DDIAS: variants seen among roughly 807,000 people sequenced by gnomAD.
The protein encoded by DDIAS is DNA damage induced apoptosis suppressor, also known as DNA damage-induced apoptosis suppressor protein.
In DDIAS, 14 loss-of-function variants were observed where a neutral mutation model predicts 15.7. That is an observed-to-expected ratio of 0.89 (90% CI 0.59 to 1.39). The LOEUF is 1.39. DDIAS is among the 40% of genes most tolerant of loss of function. The pLI is 0.00. For missense variants in DDIAS, 1,035 were observed against 1,130.9 expected (o/e 0.92, Z 1.22); for synonymous variants, 355 against 395.9 (o/e 0.90, Z 1.23).
chr11:82,929,902 T>A (rs1415023609), intron 4 of DDIAS, among the ~76,000 whole-genome samples: 1 of 152,190 alleles, frequency 6.6e-6, no homozygotes, highest in Non-Finnish European at 1.5e-5. Context: ...CTGCCACTTT[T>A]ATTTTTCCTT....
chr11:82,919,656 G>A (rs530535574), intron 3 of DDIAS, among the ~76,000 whole-genome samples: 3 of 152,260 alleles, frequency 2.0e-5, no homozygotes, highest in East Asian at 1.9e-4. Flanking sequence ...ATAGAATAGC[G>A]TCAGAAGGAT....
rs1469504453 is a variant in DDIAS at position 82,913,356 on chromosome 11, G to T, written c.-47G>T. 1.2e-5 allele frequency: 2 copies of T among 172,002 alleles called. No homozygotes were observed. The highest frequency in any genetic ancestry group is 4.8e-5 in the African/African-American group (2 of 41,514). 10.7% of individuals were successfully genotyped at this position (172,002 alleles called of 1,614,324 possible). A position where few individuals can be genotyped will look rare whatever the true frequency, so the allele number is the denominator to read the frequency against. ...AGCTCACTATGGCCTTGATCCTCCT[G>T]CCTTAGCCTCCCAAGCAGCTGGTAT... On this transcript the variant is annotated 5_prime_UTR_variant, in exon 2 of 6. Coordinates refer to ENST00000533655, the MANE Select transcript of DDIAS (RefSeq NM_145018.4).
chr11:82,915,564 C>G (rs1428710207), intron 3 of DDIAS, among the ~76,000 whole-genome samples: 1 of 152,170 alleles, frequency 6.6e-6, no homozygotes, highest in African/African-American at 2.4e-5. Flanking sequence ...TAACTCATAT[C>G]TAGACTCTAA....
Position 82,928,646 on chromosome 11 carries a change from TAAG to T in DDIAS, c.114-125_114-123del, listed in dbSNP as rs1860919024. ...TAAAATAAGTTGATCTGAAAGAGTT[TAAG>T]AAGAATTTGAGTTGTGTAGGAGCAT... On this transcript the variant is annotated intron_variant, in intron 3 of 5. Transcript: ENST00000533655. The T allele has an allele frequency of 6.9e-6, 6 of 871,236 alleles. No homozygotes were observed. In the South Asian group the frequency reaches 7.1e-5, roughly 10 times the overall value. The allele number at this position is 871,236 out of a possible 1,614,324, so 54.0% of individuals were successfully genotyped here. A position where few individuals can be genotyped will look rare whatever the true frequency, so the allele number is the denominator to read the frequency against.
At chr11:82,906,004 T>G (rs1860422533) in intron 1 of DDIAS, among the ~76,000 whole-genome samples, 2 of 152,174 alleles carry the variant, frequency 1.3e-5, no homozygotes, top group African/African-American at 4.8e-5. Context: ...TTCATTCAAT[T>G]ATTCATCAGA....
In DDIAS at chr11:82,931,849, G is replaced by C. The variant is rs774901835; in HGVS notation, c.511G>C (p.Gly171Arg). ...TTGCCAGATTGTTCTACCAGACCCA[G>C]GTATTGCAGGCTTTACTGTCATTGA... ...VACQIVLPDP[G>R]IAGFTVIDYF... Residue 171 changes from glycine (G) to arginine (R), a missense_variant, in exon 6 of 6, where the codon GGT (glycine) becomes CGT (arginine). Coordinates refer to ENST00000533655, the MANE Select transcript of DDIAS (RefSeq NM_145018.4). The C allele has an allele frequency of 1.4e-5, 22 of 1,614,170 alleles. No individual in the cohort carries two copies. Among genetic ancestry groups the C allele is most frequent in the Non-Finnish European group, 1.5e-5 (18 of 1,180,026 alleles).
intron 2 of DDIAS, among the ~76,000 whole-genome samples, 195 bp from the exon 3 acceptor site, chr11:82,914,528 G>A (rs1443941108): frequency 6.6e-6 from 1 of 152,196 alleles, no homozygotes; most frequent in Non-Finnish European, 1.5e-5. Flanking sequence ...TGTTTTAAAT[G>A]TGATTTTCTT....
In DDIAS at chr11:82,933,919, A is replaced by G; in HGVS notation, c.2581A>G (p.Ser861Gly). The change falls in exon 6 of 6, where the codon AGT becomes GGT. Residue 861 changes from serine (S) to glycine (G), a missense_variant. Coordinates refer to ENST00000533655, the MANE Select transcript of DDIAS (RefSeq NM_145018.4). Reference protein sequence around the residue: ...YPFAECHETDSDEWVPPTTQK... With the variant: ...YPFAECHETDGDEWVPPTTQK... ...TTTTGCTGAGTGCCATGAAACTGAT[A>G]GTGATGAATGGGTCCCTCCTACCAC... 1.2e-6 allele frequency: 2 copies of G among 1,613,348 alleles called. No individual in the cohort carries two copies. Among genetic ancestry groups the G allele is most frequent in the South Asian group, 1.1e-5 (1 of 90,796 alleles).
Position 82,928,852 on chromosome 11 carries a change from T to G in DDIAS, c.189T>G (p.Val63=). 1 of 1,612,588 alleles carries G rather than the reference T, an allele frequency of 6.2e-7. No homozygotes were observed. Among genetic ancestry groups the G allele is most frequent in the South Asian group, 1.1e-5 (1 of 90,454 alleles). Residue 63 remains valine, a synonymous_variant, in exon 4 of 6, where the codon GTT becomes GTG. Transcript: ENST00000533655. ...ACAGATACAAACTTTCCTTAAAAGTTGCAGAATCAAACAAATTGTTTGTTA... is the reference window on the plus strand; with the variant it reads ...ACAGATACAAACTTTCCTTAAAAGTGGCAGAATCAAACAAATTGTTTGTTA... The part of the protein sequence containing the change: ...ANYRYKLSLK[V]AESNKLFVIT...
chr11:82,902,843 C>T (rs1860349017), intron 1 of DDIAS, among the ~76,000 whole-genome samples: 1 of 152,116 alleles, frequency 6.6e-6, no homozygotes, highest in Non-Finnish European at 1.5e-5. Flanking sequence ...TCGTCTGTGC[C>T]AAGAATTGCT....
At chr11:82,918,679 A>G (rs1046242876) in intron 3 of DDIAS, among the ~76,000 whole-genome samples, 12 of 152,236 alleles carry the variant, frequency 7.9e-5, no homozygotes, top group Admixed American at 2.6e-4. Context: ...CATTTTCACA[A>G]TATTGATTCT....
chr11:82,932,893 G>C lies in DDIAS; in HGVS notation c.1555G>C (p.Ala519Pro), dbSNP rs532238138. Residue 519 changes from alanine to proline, a missense_variant, in exon 6 of 6, where the codon GCT (alanine) becomes CCT (proline). Physicochemically the swap from Ala to Pro is conservative, Grantham distance 27 (BLOSUM62 -1). Transcript: ENST00000533655. Reference sequence around the variant, plus strand: ...GTCACAACCAGATAACAAAGTAGAGGCTGTCTCTGTAAATCATAATGGAAG... The same window carrying C: ...GTCACAACCAGATAACAAAGTAGAGCCTGTCTCTGTAAATCATAATGGAAG... ...KESQPDNKVEAVSVNHNGRDM... is the reference protein window; with the variant it reads ...KESQPDNKVEPVSVNHNGRDM... 805 of 1,612,896 alleles carry C rather than the reference G, an allele frequency of 5.0e-4. 13 individuals carry two copies. The South Asian group carries it at 8.1e-3, about 16-fold the overall frequency.
At chr11:82,922,170 C>T (rs767824196) in intron 3 of DDIAS, among the ~76,000 whole-genome samples, 1 of 152,192 alleles carries the variant, frequency 6.6e-6, no homozygotes, top group Non-Finnish European at 1.5e-5. Flanking sequence ...CTTTAGATAA[C>T]CTGATGACAG....
In DDIAS at chr11:82,933,691, A is replaced by T. The variant is rs1238859383; in HGVS notation, c.2353A>T (p.Ile785Phe). The T allele has an allele frequency of 1.2e-6, 2 of 1,613,976 alleles. No homozygotes were observed. The highest frequency in any genetic ancestry group is 1.7e-6 in the Non-Finnish European group (2 of 1,180,004). ...TPISGFHQTRIHGINRAFKKP... is the reference protein window; with the variant it reads ...TPISGFHQTRFHGINRAFKKP... ...AATTTCAGGGTTCCACCAAACAAGA[A>T]TTCATGGGATAAACAGAGCTTTCAA... is the stretch of plus-strand genomic sequence containing the variant. The change falls in exon 6 of 6, where the codon ATT becomes TTT. Residue 785 changes from isoleucine (I) to phenylalanine (F), a missense_variant. Ile to Phe is a conservative substitution (Grantham distance 21). Transcript: ENST00000533655.
chr11:82,926,643 G>T (rs373641703), intron 3 of DDIAS, among the ~76,000 whole-genome samples: 1 of 152,110 alleles, frequency 6.6e-6, no homozygotes, highest in Non-Finnish European at 1.5e-5. Context: ...TATTACCTGG[G>T]AGCTTATTAA....
chr11:82,919,808 T>C (rs1860709021), intron 3 of DDIAS, among the ~76,000 whole-genome samples: 1 of 152,170 alleles, frequency 6.6e-6, no homozygotes, highest in African/African-American at 2.4e-5. Context: ...CTCAGCGCAC[T>C]GCAAGCTCTA....
At chr11:82,906,808 C>T (rs865989023) in intron 1 of DDIAS, among the ~76,000 whole-genome samples, 1 of 152,028 alleles carries the variant, frequency 6.6e-6, no homozygotes, top group African/African-American at 2.4e-5. Context: ...CTGTGTACTT[C>T]GTATACAAAT....
rs763114662 is a variant in DDIAS at position 82,928,948 on chromosome 11, C to T, written c.275+10C>T. On this transcript the variant is annotated intron_variant, in intron 4 of 5. Coordinates refer to ENST00000533655, the MANE Select transcript of DDIAS (RefSeq NM_145018.4). ...CCACTGGTTTGCACAGGTAAGAATA[C>T]TTAAAACATCCTTTTTCCTGACTGC... The T allele has an allele frequency of 1.9e-6, 3 of 1,590,480 alleles. No homozygotes were observed. The highest frequency in any genetic ancestry group is 2.3e-5 in the East Asian group (1 of 43,526).
intron 3 of DDIAS, among the ~76,000 whole-genome samples, chr11:82,922,944 G>A (rs1366050955): frequency 6.6e-6 from 1 of 152,166 alleles, no homozygotes; most frequent in Non-Finnish European, 1.5e-5. Context: ...CCGAGCTGCA[G>A]TGATTGTTAT....
Sources: gnomAD v4.1 joint callset for allele counts (sites outside exome capture counted in the v4.1 genomes callset) on GRCh38, gnomAD v4.1.1 for gene constraint, MANE v1.5 for transcripts, NCBI Gene and HGNC (gene_info 2026-07-23, HGNC 2026-07-21) for gene names.